ABCC12: variants seen among roughly 807,000 people sequenced by gnomAD.
ABCC12 encodes the protein ATP-binding cassette sub-family C member 12.
A neutral mutation model predicts 151.1 loss-of-function variants in ABCC12; 142 were observed. The ratio of observed to expected loss-of-function variants is 0.94; its 90% CI spans 0.82 to 1.08. ABCC12 has a LOEUF of 1.08. Among genes scored for constraint, ABCC12 ranks in the 50% least tolerant of loss-of-function variants. The pLI is 0.00. For synonymous variants in ABCC12, 645 were observed against 646.4 expected (o/e 1.00, Z 0.03); for missense variants, 1,638 against 1,691.1 (o/e 0.97, Z 0.55).
chr16:48,153,436 C>A (rs1207358997), intron 2 of ABCC12, among the ~76,000 whole-genome samples, 180 bp downstream of exon 2: 2 of 152,158 alleles, frequency 1.3e-5, no homozygotes, highest in Non-Finnish European at 2.9e-5. Flanking sequence ...CACTTCTCAG[C>A]TCTCAGGAGC....
At chr16:48,143,453 A>G (rs1212410518) in intron 4 of ABCC12, among the ~76,000 whole-genome samples, 1 of 152,192 alleles carries the variant, frequency 6.6e-6, no homozygotes, top group Non-Finnish European at 1.5e-5. Flanking sequence ...GGAAATTGTG[A>G]AGCACACAAC....
At chr16:48,099,769 A>G (rs1963238201) in intron 23 of ABCC12, among the ~76,000 whole-genome samples, 1 of 152,158 alleles carries the variant, frequency 6.6e-6, no homozygotes, top group Non-Finnish European at 1.5e-5. Flanking sequence ...CCGAGAGAAT[A>G]CCTCAGGGCC....
chr16:48,123,988 T>C (rs1223134192), intron 12 of ABCC12, among the ~76,000 whole-genome samples: 1 of 152,228 alleles, frequency 6.6e-6, no homozygotes, highest in Non-Finnish European at 1.5e-5. Flanking sequence ...TGCCATTCAA[T>C]AGACCTCCTC....
At chr16:48,086,924 T>G (rs897894638) in intron 27 of ABCC12, 105 bp from the exon 28 acceptor site, 2 of 920,460 alleles carry the variant, frequency 2.2e-6, no homozygotes, top group Non-Finnish European at 1.8e-6. Context: ...GGAGGTGGCA[T>G]GTGATGACCT....
At chr16:48,146,135 G>A (rs1274929265) in intron 3 of ABCC12, among the ~76,000 whole-genome samples, 171 bp downstream of exon 3, 3 of 152,232 alleles carry the variant, frequency 2.0e-5, no homozygotes, top group Non-Finnish European at 4.4e-5. Flanking sequence ...AAGGACAGGA[G>A]GAGGCAAGGA....
chr16:48,125,357 T>G (rs1030603379), intron 11 of ABCC12, among the ~76,000 whole-genome samples: 2 of 152,158 alleles, frequency 1.3e-5, no homozygotes, highest in African/African-American at 4.8e-5. Flanking sequence ...GCAGTCATTG[T>G]TTGAGGGCTG....
At chr16:48,152,841 T>C (rs1330939458) in intron 2 of ABCC12, among the ~76,000 whole-genome samples, 1 of 152,132 alleles carries the variant, frequency 6.6e-6, no homozygotes, top group Non-Finnish European at 1.5e-5. Flanking sequence ...AAACGTCAAT[T>C]GCACGAAAGA....
chr16:48,108,333 A>G, intron 19 of ABCC12, 107 bp downstream of exon 19: 1 of 1,050,026 alleles, frequency 9.5e-7, no homozygotes, highest in Non-Finnish European at 1.4e-6. Flanking sequence ...TGGCCCTAGC[A>G]TAAACAGAAT....
rs922535538 is a variant in ABCC12 at position 48,107,331 on chromosome 16, C to T, written c.2466G>A (p.Lys822=). ...CCAAAGGGAAACTCACCCGTGAGCC[C>T]TTGTCCAACCAGAGACCCAGCCACC... ...SNWWLGLWLD[K]GSRMTCGPQG... is the part of the protein sequence containing the mutation. Residue 822 remains lysine, a synonymous_variant, in exon 20 of 31, where the codon AAG becomes AAA. Coordinates refer to ENST00000311303, the MANE Select transcript of ABCC12 (RefSeq NM_001393797.1). 4.3e-6 allele frequency: 7 copies of T among 1,614,138 alleles called. No homozygotes were observed. The highest frequency in any genetic ancestry group is 5.1e-6 in the Non-Finnish European group (6 of 1,180,000).
chr16:48,150,207 A>C (rs987142690), intron 2 of ABCC12, among the ~76,000 whole-genome samples: 11 of 152,164 alleles, frequency 7.2e-5, no homozygotes, highest in African/African-American at 2.7e-4. Flanking sequence ...CTCTTCTCTC[A>C]TACTGGTGTC....
chr16:48,096,408 T>C (rs1262435506), intron 24 of ABCC12, among the ~76,000 whole-genome samples: 1 of 152,214 alleles, frequency 6.6e-6, no homozygotes, highest in African/African-American at 2.4e-5. Context: ...GGGCAGGAAA[T>C]GCTTTCCTCC....
At chr16:48,115,699 A>G in intron 14 of ABCC12, 81 bp from the exon 15 acceptor site, 1 of 1,404,944 alleles carries the variant, frequency 7.1e-7, no homozygotes, top group Non-Finnish European at 9.6e-7. Flanking sequence ...GGAGCTTCTC[A>G]GGACTCAGGG....
intron 2 of ABCC12, among the ~76,000 whole-genome samples, chr16:48,150,138 C>T (rs371793624): frequency 2.0e-4 from 31 of 152,322 alleles, no homozygotes; most frequent in African/African-American, 6.5e-4. Context: ...AGAGTGGCCA[C>T]TAATTTTGCA....
At chr16:48,155,451 T>G (rs562682149) in intron 1 of ABCC12, among the ~76,000 whole-genome samples, 18 of 152,164 alleles carry the variant, frequency 1.2e-4, no homozygotes, top group African/African-American at 4.1e-4. Flanking sequence ...GTCTTTTTTT[T>G]TGGGGGGGAG....
intron 25 of ABCC12, 103 bp from the exon 26 acceptor site, chr16:48,088,837 T>C (rs1024959054): frequency 2.0e-6 from 2 of 1,022,170 alleles, no homozygotes; most frequent in Non-Finnish European, 2.8e-6. Context: ...CTGCTATTCA[T>C]GGTGGTGAAA....
Position 48,144,042 on chromosome 16 carries a change from T to A in ABCC12, c.143A>T (p.Asp48Val), listed in dbSNP as rs571910355. ...CARLAPNPVD[D>V]AGLLSFATFS... ...TGTGGCGAAGGAGAGTAGCCCGGCA[T>A]CATCCACCGGGTTGGGTGCTAACCT... The change falls in exon 4 of 31, where the codon GAT becomes GTT. Residue 48 changes from aspartate to valine, a missense_variant. Coordinates refer to ENST00000311303, the MANE Select transcript of ABCC12 (RefSeq NM_001393797.1). 3 of 1,614,086 alleles carry A rather than the reference T, an allele frequency of 1.9e-6. No individual in the cohort carries two copies. In the African/African-American group the frequency reaches 4.0e-5, roughly 22 times the overall value.
At chr16:48,133,409 C>G (rs1012005394) in intron 9 of ABCC12, among the ~76,000 whole-genome samples, 1 of 151,910 alleles carries the variant, frequency 6.6e-6, no homozygotes, top group Non-Finnish European at 1.5e-5. Context: ...ACCTGTAATC[C>G]CAGCTACTCA....
chr16:48,109,178 C>G (rs995917658), intron 18 of ABCC12, among the ~76,000 whole-genome samples: 1 of 152,090 alleles, frequency 6.6e-6, no homozygotes, highest in Non-Finnish European at 1.5e-5. Context: ...GTAAAGGCAC[C>G]CTTGTCATCT....
chr16:48,099,760 C>G (rs564213075), intron 23 of ABCC12, among the ~76,000 whole-genome samples: 4 of 152,158 alleles, frequency 2.6e-5, no homozygotes, highest in Non-Finnish European at 5.9e-5. Context: ...ACAGAAGATC[C>G]GAGAGAATAC....
Sources: gnomAD v4.1 joint callset for allele counts (sites outside exome capture counted in the v4.1 genomes callset) on GRCh38, gnomAD v4.1.1 for gene constraint, MANE v1.5 for transcripts, NCBI Gene and HGNC (gene_info 2026-07-23, HGNC 2026-07-21) for gene names.